The following DCAF17 variants were observed in gnomAD, a reference collection of about 807,000 sequenced individuals.
DCAF17 encodes the protein DDB1 and CUL4 associated factor 17, also known as DDB1- and CUL4-associated factor 17.
In DCAF17, 48 loss-of-function variants were observed where a neutral mutation model predicts 66.0. The ratio of observed to expected loss-of-function variants is 0.73; its 90% CI spans 0.58 to 0.92. The LOEUF is 0.92. DCAF17 is among the 40% of genes least tolerant of loss of function. The pLI is 0.00. For missense variants in DCAF17, 562 were observed against 622.8 expected (o/e 0.90, Z 1.04); for synonymous variants, 206 against 214.6 (o/e 0.96, Z 0.35).
intron 8 of DCAF17, among the ~76,000 whole-genome samples, chr2:171,465,188 ACT>A (rs1695825534): frequency 6.6e-6 from 1 of 151,030 alleles, no homozygotes; most frequent in African/African-American, 2.4e-5. Context: ...ACAGAGTGAA[ACT>A]CTGTCTCAAA....
chr2:171,434,249 G>A lies in DCAF17; in HGVS notation c.-329G>A, dbSNP rs750862065. 94 of 489,922 alleles carry A rather than the reference G, an allele frequency of 1.9e-4. No individual in the cohort carries two copies. Among genetic ancestry groups the A allele is most frequent in the Non-Finnish European group, 3.2e-4 (81 of 250,684 alleles). The allele number at this position is 489,922 out of a possible 1,614,324, so 30.3% of individuals were successfully genotyped here. ...GGGAGAAGCCGGGCTGCCTCACGAG[G>A]CACTAGGAACTACATTTCCCGGTGA... On this transcript the variant is annotated 5_prime_UTR_variant, in exon 1 of 14. Transcript: ENST00000375255.
At chr2:171,474,770 C>T (rs1214330994) in intron 10 of DCAF17, among the ~76,000 whole-genome samples, 1 of 152,188 alleles carries the variant, frequency 6.6e-6, no homozygotes, top group Non-Finnish European at 1.5e-5. Flanking sequence ...CATACATACA[C>T]ACCATATATC....
chr2:171,453,094 G>C (rs749434549), intron 5 of DCAF17, 30 bp from the exon 6 acceptor site: 20 of 1,517,184 alleles, frequency 1.3e-5, no homozygotes, highest in Non-Finnish European at 1.8e-5. Context: ...ACTTTTGAGA[G>C]CTGCGTGTAA....
intron 3 of DCAF17, among the ~76,000 whole-genome samples, chr2:171,445,348 C>T (rs1204158716): frequency 1.3e-5 from 2 of 152,160 alleles, no homozygotes; most frequent in Non-Finnish European, 2.9e-5. Context: ...TGGTCTCGAA[C>T]TCTTGACCTC....
intron 9 of DCAF17, among the ~76,000 whole-genome samples, chr2:171,471,296 A>T (rs910549809): frequency 1.3e-5 from 2 of 152,250 alleles, no homozygotes; most frequent in Admixed American, 1.3e-4. Flanking sequence ...AAATGTAAGC[A>T]GCCGAACTTA....
chr2:171,472,902 A>G (rs143250983), intron 9 of DCAF17: 114 of 338,142 alleles, frequency 3.4e-4, no homozygotes, highest in Non-Finnish European at 6.1e-4. Flanking sequence ...CTGTAAAGCC[A>G]GTGAAGTTAA....
At chr2:171,438,592 A>G (rs115005655) in intron 2 of DCAF17, among the ~76,000 whole-genome samples, 2 of 152,246 alleles carry the variant, frequency 1.3e-5, no homozygotes, top group African/African-American at 4.8e-5. Flanking sequence ...CACCTTTTTC[A>G]TTATCTTATG....
At chr2:171,466,687 C>T (rs17220734) in intron 8 of DCAF17, among the ~76,000 whole-genome samples, 30,339 of 148,764 alleles carry the variant, frequency 0.2, 3,203 homozygotes, top group South Asian at 0.29. Context: ...TTTGCATTTA[C>T]TGGGAAAGGT....
intron 8 of DCAF17, among the ~76,000 whole-genome samples, chr2:171,462,696 T>C (rs1008886076): frequency 6.6e-6 from 1 of 152,164 alleles, no homozygotes; most frequent in African/African-American, 2.4e-5. Context: ...CCCAGCAACT[T>C]CAGTACTAGG....
chr2:171,481,229 G>T lies in DCAF17; in HGVS notation c.*115G>T. The T allele has an allele frequency of 1.5e-6, 2 of 1,319,954 alleles. No homozygotes were observed. The highest frequency in any genetic ancestry group is 2.2e-6 in the Non-Finnish European group (2 of 920,764). 81.8% of individuals were successfully genotyped at this position (1,319,954 alleles called of 1,614,324 possible). ...CTCCAGTATTTTCCAAAAAAGTCTT[G>T]TGTTGACTTCAGATGACTATGACTT... On this transcript the variant is annotated 3_prime_UTR_variant, in exon 14 of 14. Coordinates refer to ENST00000375255, the MANE Select transcript of DCAF17 (RefSeq NM_025000.4).
At chr2:171,460,029 A>G (rs1346174327) in intron 8 of DCAF17, among the ~76,000 whole-genome samples, 1 of 152,184 alleles carries the variant, frequency 6.6e-6, no homozygotes, top group Non-Finnish European at 1.5e-5. Context: ...AAATGCAAAT[A>G]AAAAGTAAGT....
Position 171,481,745 on chromosome 2 carries a change from T to C in DCAF17, c.*631T>C, listed in dbSNP as rs1696755306. 4.4e-6 allele frequency: 2 copies of C among 453,762 alleles called. No individual in the cohort carries two copies. The highest frequency in any genetic ancestry group is 4.4e-6 in the Non-Finnish European group (1 of 226,728). 28.1% of individuals were successfully genotyped at this position (453,762 alleles called of 1,614,324 possible). A position where few individuals can be genotyped will look rare whatever the true frequency, so the allele number is the denominator to read the frequency against. On this transcript the variant is annotated 3_prime_UTR_variant, in exon 14 of 14. Transcript: ENST00000375255. The stretch of plus-strand genomic sequence containing the variant: ...TTGGTTTTGTTCTCTTGGCTTGATG[T>C]TCACATTGAATATTTGTGTTTCTAT...
intron 3 of DCAF17, among the ~76,000 whole-genome samples, chr2:171,446,101 AT>A (rs945096969): frequency 2.6e-5 from 4 of 152,226 alleles, no homozygotes; most frequent in African/African-American, 9.6e-5. Flanking sequence ...TAAAAAAAAA[AT>A]CTTATAGCCA....
intron 6 of DCAF17, among the ~76,000 whole-genome samples, chr2:171,454,819 C>T (rs935107631): frequency 6.6e-6 from 1 of 151,772 alleles, no homozygotes; most frequent in Non-Finnish European, 1.5e-5. Flanking sequence ...ATCGCTTGAA[C>T]CTAGGAGGTA....
chr2:171,453,813 C>T (rs1211343650), intron 6 of DCAF17, among the ~76,000 whole-genome samples: 1 of 151,994 alleles, frequency 6.6e-6, no homozygotes, highest in Non-Finnish European at 1.5e-5. Flanking sequence ...TTGAGCTCTC[C>T]TACTGGTCTT....
intron 5 of DCAF17, 70 bp downstream of exon 5, chr2:171,450,027 GA>G: frequency 1.5e-6 from 2 of 1,299,618 alleles, no homozygotes; most frequent in Non-Finnish European, 2.2e-6. Context: ...GATTTGTTAT[GA>G]AAAATCTAAT....
At chr2:171,476,168 A>G (rs1042499509) in intron 10 of DCAF17, among the ~76,000 whole-genome samples, 2 of 151,012 alleles carry the variant, frequency 1.3e-5, no homozygotes, top group African/African-American at 2.4e-5. Flanking sequence ...TTTGCATTTG[A>G]GACTTTGAGC....
At chr2:171,460,822 C>T (rs116741835) in intron 8 of DCAF17, among the ~76,000 whole-genome samples, 2,891 of 152,188 alleles carry the variant, frequency 0.019, 88 homozygotes, top group Admixed American at 0.075. Context: ...AGGCATGAGC[C>T]ACTGTGCCCA....
At chr2:171,452,847 G>T (rs558011410) in intron 5 of DCAF17, among the ~76,000 whole-genome samples, 7 of 152,234 alleles carry the variant, frequency 4.6e-5, no homozygotes, top group Non-Finnish European at 7.4e-5. Flanking sequence ...AAATATAAAT[G>T]CATGGTATTT....
Sources: gnomAD v4.1 joint callset for allele counts (sites outside exome capture counted in the v4.1 genomes callset) on GRCh38, gnomAD v4.1.1 for gene constraint, MANE v1.5 for transcripts, NCBI Gene and HGNC (gene_info 2026-07-23, HGNC 2026-07-21) for gene names.